The following FAM120A variants were observed in gnomAD, a reference collection of about 807,000 sequenced individuals.
FAM120A encodes constitutive coactivator of PPAR-gamma-like protein 1.
Under a neutral mutation model 109.7 loss-of-function variants are expected in FAM120A, and 15 were observed. That is an observed-to-expected ratio of 0.14 (90% confidence interval 0.09 to 0.21). The LOEUF (loss-of-function observed/expected upper bound fraction) is 0.21. FAM120A is among the 10% of genes least tolerant of loss of function. The probability of loss-of-function intolerance (pLI) is 1.00; values close to 1 mark genes in which losing one functional copy is unlikely to be tolerated. For synonymous variants in FAM120A, 493 were observed against 572.8 expected, an observed-to-expected ratio of 0.86 and a Z score of 1.99; for missense variants, 899 against 1,439.3, an observed-to-expected ratio of 0.62 and a Z score of 6.07.
rs1420539091 is a variant in FAM120A at position 93,500,104 on chromosome 9, G to T, written c.1030+1218G>T. 6.6e-6 allele frequency among the ~76,000 whole-genome samples: 1 copy of T among 152,252 alleles called. No homozygotes were observed. Among genetic ancestry groups the T allele is most frequent in the East Asian group, 1.9e-4 (1 of 5,204 alleles). On this transcript the variant is annotated intron_variant, in intron 5 of 17. Transcript: ENST00000277165. This position sits in a 1 kb window ranked among gnomAD's most constrained non-coding sequence, Gnocchi z 4.6. ...GTCAGTAAATGGCAGCAGCCTCCCA[G>T]TGGGGCTCTTTGCTGCTCTCTTGCT...
At chr9:93,482,140 G>A (rs1564318433) in intron 3 of FAM120A, among the ~76,000 whole-genome samples, 1 of 151,292 alleles carries the variant, frequency 6.6e-6, no homozygotes, top group African/African-American at 2.4e-5. Context: ...TATACCGGGG[G>A]CAATCTATCA....
At chr9:93,538,331 A>G (rs1861589819) in intron 10 of FAM120A, among the ~76,000 whole-genome samples, 1 of 152,148 alleles carries the variant, frequency 6.6e-6, no homozygotes, top group Non-Finnish European at 1.5e-5. Context: ...CCAACCTGCT[A>G]CCTACACGCT....
chr9:93,493,470 A>G (rs1423541452), intron 3 of FAM120A, among the ~76,000 whole-genome samples: 2 of 152,228 alleles, frequency 1.3e-5, no homozygotes, highest in Admixed American at 6.5e-5. Flanking sequence ...TAAGAATTAT[A>G]TTAAACAATC....
chr9:93,520,965 T>G (rs553401938), intron 7 of FAM120A, among the ~76,000 whole-genome samples: 21 of 152,360 alleles, frequency 1.4e-4, no homozygotes, highest in Non-Finnish European at 2.5e-4. Context: ...TTTCTTTAGT[T>G]GGATGAGTTG....
chr9:93,452,627 A>T lies in FAM120A; in HGVS notation c.474+238A>T. 6.3e-7 allele frequency: 1 copy of T among 1,599,098 alleles called. No individual in the cohort carries two copies. Among genetic ancestry groups the T allele is most frequent in the Non-Finnish European group, 8.5e-7 (1 of 1,179,848 alleles). Reference sequence around the variant, plus strand: ...GTTCGGGGTCCGCGGCCGCGTGGGGACACTTGAGGGCTGGGAGAGAGCCCC... The same window carrying T: ...GTTCGGGGTCCGCGGCCGCGTGGGGTCACTTGAGGGCTGGGAGAGAGCCCC... On this transcript the variant is annotated intron_variant, in intron 1 of 17. Transcript: ENST00000277165. This position sits in a 1 kb window ranked among gnomAD's most constrained non-coding sequence, Gnocchi z 7.0.
At chr9:93,541,791 C>G (rs1861710363) in intron 10 of FAM120A, among the ~76,000 whole-genome samples, 1 of 152,226 alleles carries the variant, frequency 6.6e-6, no homozygotes. Flanking sequence ...GGGCTTGTCA[C>G]AGAGCCCTAT....
chr9:93,512,713 C>G (rs866316296), intron 5 of FAM120A, among the ~76,000 whole-genome samples: 12 of 151,994 alleles, frequency 7.9e-5, no homozygotes, highest in Admixed American at 2.6e-4. Flanking sequence ...GAACAAGAAC[C>G]GATATAGACG....
chr9:93,482,203 T>TTTTTG (rs60451066), intron 3 of FAM120A, among the ~76,000 whole-genome samples: 18 of 149,032 alleles, frequency 1.2e-4, no homozygotes, highest in Admixed American at 2.7e-4. Context: ...TTTTTTTTTT[T>TTTTTG]GGGAGACGGA....
chr9:93,561,666 A>G (rs1047829409), intron 16 of FAM120A, among the ~76,000 whole-genome samples: 2 of 152,172 alleles, frequency 1.3e-5, no homozygotes, highest in Admixed American at 6.5e-5. Context: ...AAGTGCTGGG[A>G]TTACAGGTGT....
Position 93,498,009 on chromosome 9 carries a change from GA to G in FAM120A, c.933+411del, listed in dbSNP as rs1859645128. Among the ~76,000 whole-genome samples the G allele has an allele frequency of 6.6e-6, 1 of 152,188 alleles. No individual in the cohort carries two copies. The highest frequency in any genetic ancestry group is 2.1e-4 in the South Asian group (1 of 4,834). ...CTGTTTTCTTCAGGTGATTGTCAGG[GA>G]TTTTCTTCTTTTTTGGGGAAGTAGG... On this transcript the variant is annotated intron_variant, in intron 4 of 17. Coordinates refer to ENST00000277165, the MANE Select transcript of FAM120A (RefSeq NM_014612.5). This position sits in a 1 kb window ranked among gnomAD's most constrained non-coding sequence, Gnocchi z 4.4.
chr9:93,502,183 A>G (rs979672701), intron 5 of FAM120A, among the ~76,000 whole-genome samples: 6 of 152,190 alleles, frequency 3.9e-5, no homozygotes, highest in African/African-American at 1.4e-4. Context: ...TTGTATTAGA[A>G]TTTATCTTAT....
At position 93,476,263 on chromosome 9, in the gene FAM120A, C is replaced by T. The variant is rs41274398; in HGVS notation, c.729C>T (p.His243=). The T allele has an allele frequency of 1.7e-5, 28 of 1,602,736 alleles. No individual in the cohort carries two copies. The highest frequency in any genetic ancestry group is 2.3e-5 in the Non-Finnish European group (27 of 1,170,334). Residue 243 remains histidine, a synonymous_variant, in exon 3 of 18, where the codon CAC becomes CAT. Transcript: ENST00000277165. ...TCCATGTTTATATTCCAGGAAATCA[C>T]ATTCTGCCTGATGAAGATCTGGCTT... The part of the protein sequence containing the change: ...FPIFAALLGN[H]ILPDEDLASF...
At chr9:93,543,700 T>G (rs60219039) in intron 11 of FAM120A, among the ~76,000 whole-genome samples, 1 of 152,230 alleles carries the variant, frequency 6.6e-6, no homozygotes, top group Non-Finnish European at 1.5e-5. Context: ...TTTGTAAGCA[T>G]GTATGGTATG....
At chr9:93,551,954 T>C (rs961791819) in intron 12 of FAM120A, among the ~76,000 whole-genome samples, 1 of 152,252 alleles carries the variant, frequency 6.6e-6, no homozygotes, top group African/African-American at 2.4e-5. Flanking sequence ...TCAGGCAGTG[T>C]GGCTGGTGCT....
rs936670045 is a variant in FAM120A at position 93,473,550 on chromosome 9, G to A, written c.721+2163G>A. ...GGTCTCCAACTCCTGAGCTCAGGGC[G>A]ATCCACCTGCCTGAGCCTCCCAAAG... On this transcript the variant is annotated intron_variant, in intron 2 of 17. Transcript: ENST00000277165. Among the ~76,000 whole-genome samples, 15 of 152,158 alleles carry A rather than the reference G, an allele frequency of 9.9e-5. 1 individual carries two copies. Among genetic ancestry groups the A allele is most frequent in the South Asian group, 6.2e-4 (3 of 4,812 alleles).
intron 1 of FAM120A, among the ~76,000 whole-genome samples, chr9:93,460,700 G>A (rs553476744): frequency 6.6e-6 from 1 of 152,288 alleles, no homozygotes; most frequent in African/African-American, 2.4e-5. Flanking sequence ...CTGTTATCCA[G>A]CTCTTAGAGC....
At chr9:93,507,720 T>C (rs999933386) in intron 5 of FAM120A, among the ~76,000 whole-genome samples, 2 of 152,130 alleles carry the variant, frequency 1.3e-5, no homozygotes, top group Non-Finnish European at 2.9e-5. Context: ...CGCTGCCTGA[T>C]AGATGGAGTG....
chr9:93,495,627 C>T (rs910240876), intron 3 of FAM120A, among the ~76,000 whole-genome samples: 2 of 152,190 alleles, frequency 1.3e-5, no homozygotes, highest in African/African-American at 4.8e-5. Context: ...AGATACATCC[C>T]TTAATCAAAA....
rs79571297 is a variant in FAM120A, at chr9:93,461,396, C to G, written c.474+9007C>G. Among the ~76,000 whole-genome samples, 1,004 of 152,222 alleles carry G rather than the reference C, an allele frequency of 6.6e-3. 14 individuals are homozygous for G. The highest frequency in any genetic ancestry group is 0.023 in the African/African-American group (969 of 41,530). The stretch of plus-strand genomic sequence containing the variant: ...TCCATGGATGAGGTGTTTTAATTTC[C>G]TGGACCTATGAAGAGTTTGCAAGTG... On this transcript the variant is annotated intron_variant, in intron 1 of 17. Transcript: ENST00000277165.
Sources: allele counts gnomAD v4.1 joint callset (sites outside exome capture counted in the v4.1 genomes callset), GRCh38; gene constraint gnomAD v4.1.1; non-coding constraint Gnocchi (gnomAD v3.1); transcripts MANE v1.5; gene names NCBI Gene and HGNC (gene_info 2026-07-23, HGNC 2026-07-21).